The following KAZN variants were observed in gnomAD, a reference collection of about 807,000 sequenced individuals.
KAZN encodes the protein kazrin.
A neutral mutation model predicts 87.4 loss-of-function variants in KAZN; 40 were observed. That is an observed-to-expected ratio of 0.46 (90% CI 0.36 to 0.60). The LOEUF (loss-of-function observed/expected upper bound fraction) is 0.60. Among genes scored for constraint, KAZN ranks in the 20% least tolerant of loss-of-function variants. KAZN has a pLI of 0.00. For missense variants in KAZN, 898 were observed against 1,073.9 expected, an observed-to-expected ratio of 0.84 and a Z score of 2.29; for synonymous variants, 466 against 458.3, an observed-to-expected ratio of 1.02 and a Z score of -0.22.
intron 1 of KAZN, among the ~76,000 whole-genome samples, chr1:14,812,513 G>T (rs968433215): frequency 6.6e-6 from 1 of 152,114 alleles, no homozygotes; most frequent in African/African-American, 2.4e-5. Context: ...AGCCTGGTGG[G>T]AATTTTTTGT....
intron 1 of KAZN, among the ~76,000 whole-genome samples, chr1:14,778,604 A>G (rs757712625): frequency 1.3e-5 from 2 of 152,090 alleles, no homozygotes; most frequent in Non-Finnish European, 2.9e-5. Flanking sequence ...CCTTTTGCTC[A>G]CAATTCCTCA....
intron 1 of KAZN, among the ~76,000 whole-genome samples, chr1:14,782,208 G>A (rs534293388): frequency 2.6e-5 from 4 of 152,254 alleles, no homozygotes; most frequent in African/African-American, 7.2e-5. Context: ...TATATTGATC[G>A]ATAAGTGAGC....
chr1:14,769,077 T>G lies in KAZN; in HGVS notation c.226+169854T>G, dbSNP rs1644956492. Among the ~76,000 whole-genome samples the G allele has an allele frequency of 6.6e-6, 1 of 152,198 alleles. No individual in the cohort carries two copies. The highest frequency in any genetic ancestry group is 1.5e-5 in the Non-Finnish European group (1 of 68,036). ...ATTAATTACCAGGCAAAGAGCCCAT[T>G]TGAAGGCTCAACCCTTTAGAGCTCC... On this transcript the variant is annotated intron_variant, in intron 1 of 14. Coordinates refer to ENST00000376030, the MANE Select transcript of KAZN (RefSeq NM_201628.3). This position sits in a 1 kb window ranked among gnomAD's most constrained non-coding sequence, Gnocchi z 4.1.
chr1:14,282,640 GA>G (rs1398761430), intron 2 of KAZN, among the ~76,000 whole-genome samples: 2 of 152,184 alleles, frequency 1.3e-5, no homozygotes, highest in African/African-American at 4.8e-5. Context: ...TCTTACCAAG[GA>G]AACAGGAGCT....
chr1:14,452,480 T>A (rs1445429339), intron 2 of KAZN, among the ~76,000 whole-genome samples: 1 of 152,222 alleles, frequency 6.6e-6, no homozygotes, highest in East Asian at 1.9e-4. Flanking sequence ...CAATCTGGGC[T>A]GCAAGGACAG....
At chr1:14,561,485 C>T (rs562404955) in intron 2 of KAZN, among the ~76,000 whole-genome samples, 4 of 152,276 alleles carry the variant, frequency 2.6e-5, no homozygotes, top group Admixed American at 6.5e-5. Context: ...GGCCAATCAG[C>T]TTTTGGGGAG....
At chr1:14,745,216 C>T (rs2100455849) in intron 1 of KAZN, among the ~76,000 whole-genome samples, 1 of 147,510 alleles carries the variant, frequency 6.8e-6, no homozygotes. Context: ...GACCGATCTG[C>T]AGCCTGGCAA....
At chr1:14,504,551 A>T (rs964315995) in intron 2 of KAZN, among the ~76,000 whole-genome samples, 3 of 152,198 alleles carry the variant, frequency 2.0e-5, no homozygotes, top group Non-Finnish European at 2.9e-5. Flanking sequence ...AGCAGCTGAT[A>T]CGATGGGATC....
At position 14,353,590 on chromosome 1, in the gene KAZN, C is replaced by T. The variant is rs551486652; in HGVS notation, c.249+172998C>T. On this transcript the variant is annotated intron_variant, in intron 2 of 16. Transcript: ENST00000636203. ...CTACTAGACGTAGTAAGTGAATGTA[C>T]CAATGTCACATGCTATAAAGTTAAC... 3.5e-4 allele frequency among the ~76,000 whole-genome samples: 53 copies of T among 152,234 alleles called. No individual in the cohort carries two copies. The South Asian group carries it at 0.011, about 30-fold the overall frequency.
intron 1 of KAZN, among the ~76,000 whole-genome samples, chr1:13,966,556 C>T (rs1211628722): frequency 6.6e-6 from 1 of 152,126 alleles, no homozygotes; most frequent in African/African-American, 2.4e-5. Flanking sequence ...ATCTCTGGGG[C>T]CACACGGCTG....
At chr1:13,926,674 TGGGAACTTCAGTGCATGACAG>T (rs1640291980) in intron 1 of KAZN, among the ~76,000 whole-genome samples, 1 of 151,194 alleles carries the variant, frequency 6.6e-6, no homozygotes, top group African/African-American at 2.4e-5. Flanking sequence ...AAAAATCTCC[TGGGAACTTCAGTGCATGACAG>T]CCATAAATGG....
chr1:14,202,867 A>C (rs1004596701), intron 2 of KAZN, among the ~76,000 whole-genome samples: 5 of 152,086 alleles, frequency 3.3e-5, no homozygotes, highest in Non-Finnish European at 1.5e-5. Context: ...ACATATAAAA[A>C]GTTAGCTGGG....
rs1305961065 is a variant in KAZN at position 15,063,565 on chromosome 1, G to T, written c.1048-7G>T. ...TGTTTCATCTTCCTCTTCTCCTCTG[G>T]CTACAGGGCGACAGTCCCGGCCCAG... On this transcript the variant is annotated splice_region_variant and splice_polypyrimidine_tract_variant and intron_variant, in intron 6 of 14. Coordinates refer to ENST00000376030, the MANE Select transcript of KAZN (RefSeq NM_201628.3). 1 of 1,613,514 alleles carries T rather than the reference G, an allele frequency of 6.2e-7. No homozygotes were observed. Among genetic ancestry groups the T allele is most frequent in the Admixed American group, 1.7e-5 (1 of 60,018 alleles).
At chr1:14,788,158 G>A (rs1051894991) in intron 1 of KAZN, among the ~76,000 whole-genome samples, 1 of 152,148 alleles carries the variant, frequency 6.6e-6, no homozygotes, top group African/African-American at 2.4e-5. Flanking sequence ...GCACCTGCCT[G>A]GGTTGCATGC....
chr1:14,036,019 T>C (rs1466362361), intron 1 of KAZN, among the ~76,000 whole-genome samples: 2 of 152,174 alleles, frequency 1.3e-5, no homozygotes, highest in African/African-American at 4.8e-5. Context: ...AAAGGCTTTA[T>C]AGAGGAGGTA....
At chr1:14,727,338 A>G (rs1042632664) in intron 1 of KAZN, among the ~76,000 whole-genome samples, 1 of 150,916 alleles carries the variant, frequency 6.6e-6, no homozygotes, top group Non-Finnish European at 1.5e-5. Context: ...GCGGTCCCCA[A>G]CCTTCTTGGC....
At position 14,382,437 on chromosome 1, in the gene KAZN, T is replaced by C. The variant is rs1474067975; in HGVS notation, c.249+201845T>C. The stretch of plus-strand genomic sequence containing the variant: ...CACCCACTAACTCGTCATCTAGCAT[T>C]AGGTATATCTCCCAATGCTATCCCT... On this transcript the variant is annotated intron_variant, in intron 2 of 16. Transcript: ENST00000636203. Among the ~76,000 whole-genome samples, 341 of 130,980 alleles carry C rather than the reference T, an allele frequency of 2.6e-3. 2 individuals carry two copies. Among genetic ancestry groups the C allele is most frequent in the African/African-American group, 9.7e-3 (326 of 33,760 alleles). The allele number at this position is 130,980 out of a possible 152,430, so 85.9% of individuals were successfully genotyped here.
intron 2 of KAZN, among the ~76,000 whole-genome samples, chr1:14,235,487 G>T (rs990494907): frequency 6.6e-6 from 1 of 152,128 alleles, no homozygotes; most frequent in Non-Finnish European, 1.5e-5. Flanking sequence ...ATTAGGTAAG[G>T]GGTTTCTTTT....
At chr1:13,932,008 A>ATTTTTTTTT (rs35231877) in intron 1 of KAZN, among the ~76,000 whole-genome samples, 5 of 122,882 alleles carry the variant, frequency 4.1e-5, no homozygotes, top group African/African-American at 6.2e-5. Context: ...GGCTTGGCTA[A>ATTTTTTTTT]TTTTTTTTTT....
Sources: allele counts gnomAD v4.1 joint callset (sites outside exome capture counted in the v4.1 genomes callset), GRCh38; gene constraint gnomAD v4.1.1; non-coding constraint Gnocchi (gnomAD v3.1); transcripts MANE v1.5; gene names NCBI Gene and HGNC (gene_info 2026-07-23, HGNC 2026-07-21).